Variants in LEF1 observed in about 807,000 individuals in gnomAD.
LEF1 encodes the protein lymphoid enhancer-binding factor 1.
A neutral mutation model predicts 51.2 loss-of-function variants in LEF1; 14 were observed. The ratio of observed to expected loss-of-function variants is 0.27; its 90% CI spans 0.18 to 0.43. LEF1 has a LOEUF of 0.43. Ranked by LOEUF, LEF1 falls within the 20% of genes least tolerant of loss-of-function variation. The pLI is 1.00. For synonymous variants in LEF1, 185 were observed against 183.2 expected (o/e 1.01, Z -0.08); for missense variants, 386 against 512.0 (o/e 0.75, Z 2.37).
intron 11 of LEF1, among the ~76,000 whole-genome samples, chr4:108,056,995 G>A (rs1737351026): frequency 6.6e-6 from 1 of 151,848 alleles, no homozygotes; most frequent in Non-Finnish European, 1.5e-5. Context: ...CCGACCTGTG[G>A]CCAAGGGTAG....
intron 8 of LEF1, among the ~76,000 whole-genome samples, chr4:108,072,461 G>T (rs62312239): frequency 6.6e-6 from 1 of 152,188 alleles, no homozygotes; most frequent in Non-Finnish European, 1.5e-5. Context: ...AACAGAGTCC[G>T]TTTCCTTTGA....
At chr4:108,056,794 G>A (rs1452826145) in intron 11 of LEF1, among the ~76,000 whole-genome samples, 2 of 151,680 alleles carry the variant, frequency 1.3e-5, no homozygotes, top group Non-Finnish European at 2.9e-5. Context: ...CCTATGCAGC[G>A]ATCTGGCAAT....
intron 3 of LEF1, among the ~76,000 whole-genome samples, chr4:108,157,173 T>TACACACACACACAC (rs1371267234): frequency 1.6e-4 from 11 of 67,092 alleles, no homozygotes; most frequent in Admixed American, 1.5e-3. Flanking sequence ...TCTCTCTATA[T>TACACACACACACAC]ATATATACAC....
intron 3 of LEF1, among the ~76,000 whole-genome samples, chr4:108,149,461 A>AAAAAAAAAAAAAAAAAAAC (rs1744218760): frequency 6.8e-6 from 1 of 147,270 alleles, no homozygotes; most frequent in African/African-American, 2.5e-5. Flanking sequence ...TCCGTCTCAA[A>AAAAAAAAAAAAAAAAAAAC]AAAAAAAAAA....
chr4:108,105,091 TA>T (rs1173039863), intron 3 of LEF1, among the ~76,000 whole-genome samples: 61 of 152,170 alleles, frequency 4.0e-4, no homozygotes, highest in Non-Finnish European at 6.2e-4. Flanking sequence ...GATACATATT[TA>T]ACCCTCAGAG....
intron 3 of LEF1, among the ~76,000 whole-genome samples, chr4:108,154,443 C>CAAAAAAAAAAAAAA (rs10672899): frequency 4.2e-5 from 3 of 71,980 alleles, no homozygotes; most frequent in East Asian, 4.9e-4. Flanking sequence ...AAGGTAGTAG[C>CAAAAAAAAAAAAAA]AAAAAAAAAA....
At position 108,085,076 on chromosome 4, in the gene LEF1, C is replaced by CTATTT. The variant is rs553378973; in HGVS notation, c.548-1635_548-1631dup. Among the ~76,000 whole-genome samples the CTATTT allele has an allele frequency of 4.4e-3, 668 of 152,130 alleles. 3 individuals carry two copies. The highest frequency in any genetic ancestry group is 0.015 in the African/African-American group (630 of 41,496). ...AGCGGTCACAGACTATCTGAATTAT[C>CTATTT]TATTTTATTTTATTTTATTTTGTTT... is the stretch of plus-strand genomic sequence containing the variant. On this transcript the variant is annotated intron_variant, in intron 4 of 11. Transcript: ENST00000265165.
chr4:108,158,648 C>A (rs1256567441), intron 3 of LEF1, among the ~76,000 whole-genome samples: 2 of 150,970 alleles, frequency 1.3e-5, no homozygotes, highest in East Asian at 1.9e-4. Context: ...CAAAAGGAGT[C>A]AAAAATGAAG....
chr4:108,113,379 A>G (rs933846340), intron 3 of LEF1, among the ~76,000 whole-genome samples: 1 of 152,134 alleles, frequency 6.6e-6, no homozygotes, highest in African/African-American at 2.4e-5. Flanking sequence ...GTTACAGGGG[A>G]GAAGGGAACA....
chr4:108,168,922 C>G lies in LEF1; in HGVS notation c.-1155G>C, dbSNP rs951461554. On this transcript the variant is annotated 5_prime_UTR_variant, in exon 1 of 12. Coordinates refer to ENST00000265165, the MANE Select transcript of LEF1 (RefSeq NM_016269.5). The surrounding 1 kb of genome is among the most constrained non-coding windows in gnomAD (Gnocchi z 4.6). ...CCGCAGGTGAGCGGCTGCGCCTCCC[C>G]ACTGCTTCTCCTCCTCCCGCGCCTC... 6.6e-6 allele frequency: 1 copy of G among 152,376 alleles called. No individual in the cohort carries two copies. Among genetic ancestry groups the G allele is most frequent in the African/African-American group, 2.4e-5 (1 of 41,454 alleles). 9.4% of individuals were successfully genotyped at this position (152,376 alleles called of 1,614,324 possible). A position where few individuals can be genotyped will look rare whatever the true frequency, so the allele number is the denominator to read the frequency against.
intron 3 of LEF1, among the ~76,000 whole-genome samples, chr4:108,106,699 T>C (rs1560794388): frequency 2.0e-5 from 3 of 152,064 alleles, no homozygotes; most frequent in Non-Finnish European, 4.4e-5. Flanking sequence ...ATCCCATAGC[T>C]CCAGAAGACT....
chr4:108,065,102 T>C (rs181517224), intron 9 of LEF1, among the ~76,000 whole-genome samples: 225 of 152,336 alleles, frequency 1.5e-3, no homozygotes, highest in Non-Finnish European at 2.3e-3. Flanking sequence ...TTTAAATACA[T>C]TTCAAAACAT....
At chr4:108,081,518 G>C in intron 6 of LEF1, 68 bp downstream of exon 6, 1 of 1,284,102 alleles carries the variant, frequency 7.8e-7, no homozygotes, top group South Asian at 1.2e-5. Context: ...GGCAAGCAGA[G>C]GCGCACAGGA....
At chr4:108,049,753 C>T (rs1029326351) in intron 11 of LEF1, among the ~76,000 whole-genome samples, 14 of 152,072 alleles carry the variant, frequency 9.2e-5, no homozygotes, top group African/African-American at 3.1e-4. Context: ...GGTGGATTAT[C>T]GTACACTTTC....
chr4:108,166,541 T>C lies in LEF1; in HGVS notation c.213+1014A>G. On this transcript the variant is annotated intron_variant, in intron 1 of 11. Transcript: ENST00000265165. ...ACCAGTGGAGTGTCGGGTATCAGGG[T>C]CCATCCGCCCCCTAGACCAGCTCTG... 3 of 1,281,646 alleles carry C rather than the reference T, an allele frequency of 2.3e-6. No individual in the cohort carries two copies. In the South Asian group the frequency reaches 5.5e-5, roughly 24 times the overall value. The allele number at this position is 1,281,646 out of a possible 1,614,324, so 79.4% of individuals were successfully genotyped here. A position where few individuals can be genotyped will look rare whatever the true frequency, so the allele number is the denominator to read the frequency against.
intron 3 of LEF1, among the ~76,000 whole-genome samples, chr4:108,115,268 G>C (rs1049485626): frequency 5.9e-5 from 9 of 152,194 alleles, no homozygotes; most frequent in East Asian, 5.8e-4. Flanking sequence ...AAGAACAGTA[G>C]TAGTAAGTAG....
At position 108,079,607 on chromosome 4, in the gene LEF1, G is replaced by C; in HGVS notation, c.730C>G (p.His244Asp). 1 of 1,614,016 alleles carries C rather than the reference G, an allele frequency of 6.2e-7. No homozygotes were observed. The highest frequency in any genetic ancestry group is 8.5e-7 in the Non-Finnish European group (1 of 1,179,936). ...SVDTSMSRFS[H>D]HMIPGPPGPH... is the part of the protein sequence containing the mutation. ...CCAGGAGGACCGGGAATCATATGAT[G>C]GGAAAACCTGAAAGGAGGAAAGAGA... The change falls in exon 7 of 12, where the codon CAT becomes GAT. Residue 244 changes from histidine (H) to aspartate (D), a missense_variant. His to Asp is a moderately conservative substitution (Grantham distance 81). Coordinates refer to ENST00000265165, the MANE Select transcript of LEF1 (RefSeq NM_016269.5).
chr4:108,070,574 T>A (rs1738406132), intron 9 of LEF1, 89 bp downstream of exon 9: 1 of 804,746 alleles, frequency 1.2e-6, no homozygotes, highest in Non-Finnish European at 2.1e-6. Context: ...AGTACCAGCA[T>A]TATATACACC....
intron 3 of LEF1, among the ~76,000 whole-genome samples, chr4:108,103,774 G>T (rs1740969958): frequency 6.6e-6 from 1 of 152,132 alleles, no homozygotes; most frequent in African/African-American, 2.4e-5. Flanking sequence ...CTAAAGAAAA[G>T]TGTTAATTTA....
Sources: gnomAD v4.1 joint callset for allele counts (sites outside exome capture counted in the v4.1 genomes callset) on GRCh38, gnomAD v4.1.1 for gene constraint, Gnocchi (gnomAD v3.1) non-coding constraint, MANE v1.5 for transcripts, NCBI Gene and HGNC (gene_info 2026-07-23, HGNC 2026-07-21) for gene names.